LOC400499: variants seen among roughly 807,000 people sequenced by gnomAD.
the LOC400499 span, among the ~76,000 whole-genome samples, chr16:11,454,175 G>A: frequency 6.6e-6 from 1 of 152,132 alleles, no homozygotes; most frequent in Non-Finnish European, 1.5e-5. Flanking sequence ...CAAAACAATG[G>A]AGCAATGCCT....
the LOC400499 span, chr16:11,404,831 G>T: frequency 2.5e-6 from 1 of 398,982 alleles, no homozygotes; most frequent in Non-Finnish European, 4.4e-6. Context: ...GCTCGTATGC[G>T]GTCTGCAGGA....
the LOC400499 span, among the ~76,000 whole-genome samples, chr16:11,378,088 G>A: frequency 1.3e-5 from 2 of 152,030 alleles, no homozygotes; most frequent in Admixed American, 6.6e-5. Context: ...AAGGTAGAAG[G>A]TTAGGTTGTT....
the LOC400499 span, chr16:11,449,004 C>T: frequency 4.6e-6 from 7 of 1,524,750 alleles, no homozygotes; most frequent in East Asian, 7.4e-5. Flanking sequence ...ACGGTCCCGG[C>T]TGTTCTCAGC....
the LOC400499 span, among the ~76,000 whole-genome samples, chr16:11,380,243 CTTT>C: frequency 6.8e-6 from 1 of 146,444 alleles, no homozygotes. Flanking sequence ...CACCTAGCAT[CTTT>C]TTTTTTTTTT....
At chr16:11,421,808 G>C in the LOC400499 span, among the ~76,000 whole-genome samples, 8 of 152,310 alleles carry the variant, frequency 5.3e-5, no homozygotes, top group Admixed American at 3.3e-4. Flanking sequence ...GTACTGATGG[G>C]TATGGGGATT....
the LOC400499 span, chr16:11,384,182 G>C: frequency 4.1e-6 from 5 of 1,221,552 alleles, no homozygotes; most frequent in Non-Finnish European, 5.1e-6. Flanking sequence ...AAGAACCTCA[G>C]CTGGAAGCAG....
chr16:11,446,807 T>G, the LOC400499 span: 2 of 1,536,086 alleles, frequency 1.3e-6, no homozygotes, highest in Non-Finnish European at 1.7e-6. Flanking sequence ...TCTCGGCCAT[T>G]CAGGACAACC....
the LOC400499 span, among the ~76,000 whole-genome samples, chr16:11,428,543 G>A: frequency 6.6e-6 from 1 of 152,158 alleles, no homozygotes; most frequent in Admixed American, 6.5e-5. Context: ...AATGACCATG[G>A]CGCTGGTGGG....
chr16:11,416,196 C>T, the LOC400499 span, among the ~76,000 whole-genome samples: 5 of 152,052 alleles, frequency 3.3e-5, no homozygotes, highest in East Asian at 1.9e-4. Flanking sequence ...ATGATCCACC[C>T]GCCTTGGCCT....
chr16:11,484,159 C>G, the LOC400499 span, among the ~76,000 whole-genome samples: 1 of 151,830 alleles, frequency 6.6e-6, no homozygotes, highest in East Asian at 1.9e-4. Context: ...AGGCACCCAC[C>G]ACCACGCCTG....
the LOC400499 span, among the ~76,000 whole-genome samples, chr16:11,507,943 T>C: frequency 0.12 from 18,205 of 151,768 alleles, 3,230 homozygotes; most frequent in African/African-American, 0.39. Context: ...AAAAAAAAAA[T>C]TGTAGAACAT....
At chr16:11,482,829 T>G in the LOC400499 span, among the ~76,000 whole-genome samples, 1 of 151,554 alleles carries the variant, frequency 6.6e-6, no homozygotes, top group East Asian at 1.9e-4. Flanking sequence ...CAGGTCAAGG[T>G]TGCAGTGAGC....
the LOC400499 span, chr16:11,384,991 C>A: frequency 2.3e-5 from 28 of 1,232,106 alleles, no homozygotes; most frequent in Non-Finnish European, 2.4e-5. Context: ...AGACGTCCTT[C>A]CTTGTCGTGG....
At chr16:11,433,023 G>C in the LOC400499 span, among the ~76,000 whole-genome samples, 2 of 152,080 alleles carry the variant, frequency 1.3e-5, no homozygotes. Flanking sequence ...ACAGCTTGTG[G>C]GCCAAAGCTG....
At chr16:11,513,682 C>T in the LOC400499 span, among the ~76,000 whole-genome samples, 1 of 152,072 alleles carries the variant, frequency 6.6e-6, no homozygotes, top group Non-Finnish European at 1.5e-5. Flanking sequence ...CCGCCTACCT[C>T]GGCCTCCCAA....
At chr16:11,419,061 G>C in the LOC400499 span, among the ~76,000 whole-genome samples, 1 of 152,134 alleles carries the variant, frequency 6.6e-6, no homozygotes, top group African/African-American at 2.4e-5. Flanking sequence ...AGTTACTCAG[G>C]AGGCTGAAGC....
chr16:11,387,326 G>C, the LOC400499 span: 1 of 1,230,942 alleles, frequency 8.1e-7, no homozygotes, highest in African/African-American at 1.6e-5. Flanking sequence ...AAGTCACTGT[G>C]CCTGCCCGAG....
the LOC400499 span, chr16:11,448,884 G>T: frequency 7.1e-7 from 1 of 1,407,456 alleles, no homozygotes; most frequent in Non-Finnish European, 9.4e-7. Flanking sequence ...GGGATTCGGT[G>T]GTCTCTTGGC....
At chr16:11,410,774 G>C in the LOC400499 span, among the ~76,000 whole-genome samples, 1 of 152,224 alleles carries the variant, frequency 6.6e-6, no homozygotes, top group Non-Finnish European at 1.5e-5. Flanking sequence ...CCCTCCAGGA[G>C]CTCCGGATCT....
Sources: gnomAD v4.1 joint callset for allele counts (sites outside exome capture counted in the v4.1 genomes callset) on GRCh38, gnomAD v4.1.1 for gene constraint, MANE v1.5 for transcripts.